Variants in ATM observed in about 807,000 individuals in gnomAD.
The protein encoded by ATM is ATM serine/threonine kinase.
ATM carries 308 observed loss-of-function variants against 387.0 expected under a neutral mutation model. The ratio of observed to expected loss-of-function variants is 0.80; its 90% confidence interval spans 0.73 to 0.87. The LOEUF (loss-of-function observed/expected upper bound fraction) is 0.87, where lower values mean the gene tolerates loss of function less well. Ranked by LOEUF, ATM falls within the 40% of genes least tolerant of loss-of-function variation. The probability of loss-of-function intolerance (pLI) is 0.00; values close to 1 mark genes in which losing one functional copy is unlikely to be tolerated. For synonymous variants in ATM, 1,156 were observed against 1,187.3 expected, an observed-to-expected ratio of 0.97 and a Z score of 0.54; for missense variants, 3,312 against 3,560.9, an observed-to-expected ratio of 0.93 and a Z score of 1.78.
chr11:108,347,443 A>G, intron 59 of ATM, 78 bp downstream of exon 59: 1 of 1,176,062 alleles, frequency 8.5e-7, no homozygotes, highest in African/African-American at 1.5e-5. Context: ...CTACCAAGAT[A>G]TTACAAATAT....
intron 5 of ATM, 95 bp downstream of exon 5, chr11:108,235,929 G>C: frequency 7.2e-7 from 1 of 1,386,346 alleles, no homozygotes; most frequent in Non-Finnish European, 1.0e-6. Flanking sequence ...TATCCCCCAA[G>C]TGACCTGACA....
chr11:108,283,004 AGTAT>A, intron 25 of ATM, 125 bp downstream of exon 25: 1 of 615,754 alleles, frequency 1.6e-6, no homozygotes, highest in Non-Finnish European at 2.8e-6. Context: ...GAGCCTACAT[AGTAT>A]GAGAAGCAGG....
chr11:108,264,291 G>C (rs369287681), intron 16 of ATM, among the ~76,000 whole-genome samples: 5 of 152,192 alleles, frequency 3.3e-5, no homozygotes, highest in South Asian at 4.1e-4. Flanking sequence ...CCATGATCAA[G>C]TGGGCTTCAT....
chr11:108,225,855 T>C (rs2078711964), intron 1 of ATM: 1 of 152,176 alleles, frequency 6.6e-6, no homozygotes, highest in Non-Finnish European at 1.5e-5. Context: ...CATAGGAAGA[T>C]TGGACCTGGT....
In ATM at chr11:108,244,977, A is replaced by G. The variant is rs140367473; in HGVS notation, c.852A>G (p.Gln284=). 5.0e-6 allele frequency: 8 copies of G among 1,612,662 alleles called. No homozygotes were observed. Among genetic ancestry groups the G allele is most frequent in the African/African-American group, 4.0e-5 (3 of 74,916 alleles). The change falls in exon 7 of 63, where the codon CAA becomes CAG. Residue 284 remains glutamine, a synonymous_variant. Transcript: ENST00000675843. ...SLKEVIIELF[Q]LQIYIHHPKG... ...AAGAAGTCATTATTGAATTATTTCAACTGCAAATTTATATCCATCATCCGA... is the reference window on the plus strand; with the variant it reads ...AAGAAGTCATTATTGAATTATTTCAGCTGCAAATTTATATCCATCATCCGA...
chr11:108,237,899 G>GTTTTTTTTT (rs369161623), intron 5 of ATM, among the ~76,000 whole-genome samples: 23 of 92,020 alleles, frequency 2.5e-4, no homozygotes, highest in African/African-American at 5.6e-4. Context: ...ATTTACTTAG[G>GTTTTTTTTT]TTTTTTTTTT....
intron 32 of ATM, 84 bp from the exon 33 acceptor site, chr11:108,297,203 C>A: frequency 8.7e-7 from 1 of 1,151,942 alleles, no homozygotes; most frequent in Non-Finnish European, 1.3e-6. Context: ...GTTTTCTAGT[C>A]AGATAATTTA....
At chr11:108,263,743 TAAAG>T (rs1420660132) in intron 16 of ATM, among the ~76,000 whole-genome samples, 3 of 140,906 alleles carry the variant, frequency 2.1e-5, no homozygotes, top group Non-Finnish European at 3.1e-5. Context: ...GCAAGACTAA[TAAAG>T]AAAAAAAGAG....
At chr11:108,224,972 T>C (rs1178203138) in intron 1 of ATM, 1 of 152,226 alleles carries the variant, frequency 6.6e-6, no homozygotes, top group Admixed American at 6.5e-5. Flanking sequence ...ATGTAGATAA[T>C]ACTGAACTGT....
intron 26 of ATM, among the ~76,000 whole-genome samples, chr11:108,286,325 A>G (rs1245426766): frequency 6.6e-6 from 1 of 150,954 alleles, no homozygotes; most frequent in Admixed American, 6.6e-5. Context: ...AAAAAAAAAA[A>G]AAAAAAAAAA....
chr11:108,276,147 G>C (rs1341838681), intron 22 of ATM, among the ~76,000 whole-genome samples: 1 of 151,998 alleles, frequency 6.6e-6, no homozygotes, highest in East Asian at 1.9e-4. Context: ...TGCTTAATCA[G>C]TTCGGCTGTT....
At chr11:108,354,779 A>G in intron 60 of ATM, 32 bp from the exon 61 acceptor site, 1 of 1,589,066 alleles carries the variant, frequency 6.3e-7, no homozygotes, top group Admixed American at 1.7e-5. Context: ...GGTGTGTAAC[A>G]AAATCCGTAT....
chr11:108,279,843 G>T, intron 23 of ATM, among the ~76,000 whole-genome samples: 1 of 152,116 alleles, frequency 6.6e-6, no homozygotes, highest in South Asian at 2.1e-4. Flanking sequence ...AAATTTAACT[G>T]AGTTTTTATG....
chr11:108,252,112 T>A, intron 11 of ATM, 81 bp downstream of exon 11: 1 of 1,222,602 alleles, frequency 8.2e-7, no homozygotes, highest in Non-Finnish European at 1.2e-6. Flanking sequence ...GCCAGATGGC[T>A]TTATTTTATA....
chr11:108,327,133 T>C (rs1321347976), intron 47 of ATM, among the ~76,000 whole-genome samples: 1 of 152,188 alleles, frequency 6.6e-6, no homozygotes, highest in East Asian at 1.9e-4. Context: ...CGGCCTTTAC[T>C]GTACTTTTTG....
chr11:108,232,677 C>CTA (rs1197716844), intron 4 of ATM, among the ~76,000 whole-genome samples: 1 of 150,978 alleles, frequency 6.6e-6, no homozygotes, highest in Non-Finnish European at 1.5e-5. Context: ...GTAGCTGGGA[C>CTA]TATAGGCACA....
At chr11:108,324,189 G>A (rs1023825175) in intron 45 of ATM, among the ~76,000 whole-genome samples, 1 of 152,166 alleles carries the variant, frequency 6.6e-6, no homozygotes, top group East Asian at 1.9e-4. Context: ...TAGAGGTTAT[G>A]TGTAATACTT....
intron 5 of ATM, among the ~76,000 whole-genome samples, chr11:108,241,334 C>T (rs1191688748): frequency 6.6e-6 from 1 of 152,160 alleles, no homozygotes; most frequent in Admixed American, 6.6e-5. Flanking sequence ...TGATAAAAAG[C>T]ATAGTAGAGT....
At chr11:108,318,944 G>A (rs1412986189) in intron 43 of ATM, among the ~76,000 whole-genome samples, 1 of 152,160 alleles carries the variant, frequency 6.6e-6, no homozygotes, top group Non-Finnish European at 1.5e-5. Context: ...GGAAGGCTGA[G>A]GAGGGTGGAT....
Sources: gnomAD v4.1 joint callset for allele counts (sites outside exome capture counted in the v4.1 genomes callset) on GRCh38, gnomAD v4.1.1 for gene constraint, MANE v1.5 for transcripts, NCBI Gene and HGNC (gene_info 2026-07-23, HGNC 2026-07-21) for gene names.